KDM4B: variants seen among roughly 807,000 people sequenced by gnomAD.
KDM4B encodes lysine demethylase 4B, also known as lysine-specific demethylase 4B.
Under a neutral mutation model 125.2 loss-of-function variants are expected in KDM4B, and 32 were observed. That is an observed-to-expected ratio of 0.26 (90% CI 0.19 to 0.34). The LOEUF is 0.34. KDM4B is among the 10% of genes least tolerant of loss of function. The pLI is 1.00. For missense variants in KDM4B, 1,190 were observed against 1,577.7 expected, an observed-to-expected ratio of 0.75 and a Z score of 4.16; for synonymous variants, 721 against 677.9, an observed-to-expected ratio of 1.06 and a Z score of -0.99.
chr19:5,023,264 G>A (rs189210874), intron 2 of KDM4B, among the ~76,000 whole-genome samples: 1 of 152,218 alleles, frequency 6.6e-6, no homozygotes, highest in Non-Finnish European at 1.5e-5. Flanking sequence ...GAACGTTCTC[G>A]TGCCAAGGTT....
At chr19:5,100,151 G>C (rs558422460) in intron 9 of KDM4B, among the ~76,000 whole-genome samples, 1 of 152,346 alleles carries the variant, frequency 6.6e-6, no homozygotes, top group Admixed American at 6.5e-5. Context: ...TGTGTCCCAA[G>C]TGTCCTGAAG....
At chr19:5,046,118 A>G (rs760875526) in intron 5 of KDM4B, among the ~76,000 whole-genome samples, 3 of 152,166 alleles carry the variant, frequency 2.0e-5, no homozygotes, top group Non-Finnish European at 4.4e-5. Flanking sequence ...GCTGGCCTGC[A>G]CTGCCTGCAC....
chr19:5,022,215 A>G (rs1389994007), intron 2 of KDM4B, among the ~76,000 whole-genome samples: 1 of 152,086 alleles, frequency 6.6e-6, no homozygotes, highest in Non-Finnish European at 1.5e-5. Context: ...AGGTGCTGAT[A>G]GTCCTATGTT....
intron 15 of KDM4B, among the ~76,000 whole-genome samples, chr19:5,136,191 C>T (rs1377302830): frequency 6.6e-6 from 1 of 152,192 alleles, no homozygotes; most frequent in Non-Finnish European, 1.5e-5. Flanking sequence ...GCCGCTACGC[C>T]TGTGATTTGT....
chr19:5,080,432 C>T (rs1016985462), intron 8 of KDM4B, among the ~76,000 whole-genome samples: 2 of 152,206 alleles, frequency 1.3e-5, no homozygotes, highest in African/African-American at 4.8e-5. Context: ...TGAGCAGACG[C>T]GTTACGAAGG....
chr19:5,116,936 G>A (rs2039268281), intron 10 of KDM4B, among the ~76,000 whole-genome samples: 1 of 152,214 alleles, frequency 6.6e-6, no homozygotes, highest in African/African-American at 2.4e-5. Context: ...AGCATTGGGT[G>A]CAGAAACACG....
intron 14 of KDM4B, 133 bp downstream of exon 14, chr19:5,134,194 G>A (rs1298013845): frequency 2.4e-6 from 2 of 833,320 alleles, no homozygotes; most frequent in Non-Finnish European, 3.7e-6. Flanking sequence ...GAGTTGTGAG[G>A]GCTTGTTCCT....
At chr19:5,094,437 G>C (rs908762893) in intron 9 of KDM4B, among the ~76,000 whole-genome samples, 1 of 152,230 alleles carries the variant, frequency 6.6e-6, no homozygotes, top group African/African-American at 2.4e-5. Context: ...GTGCGGGGGG[G>C]AGGCACTGGG....
At chr19:4,986,519 G>A (rs1347505797) in intron 1 of KDM4B, among the ~76,000 whole-genome samples, 3 of 152,196 alleles carry the variant, frequency 2.0e-5, no homozygotes, top group South Asian at 2.1e-4. Context: ...GCAGGTCGGC[G>A]GGCACAGAGG....
At chr19:5,090,193 A>G (rs1257175114) in intron 9 of KDM4B, among the ~76,000 whole-genome samples, 1 of 152,070 alleles carries the variant, frequency 6.6e-6, no homozygotes. Flanking sequence ...TGGGTCTGCC[A>G]GGGAGAGGTG....
At chr19:5,054,255 A>G (rs1013803295) in intron 6 of KDM4B, among the ~76,000 whole-genome samples, 1 of 152,080 alleles carries the variant, frequency 6.6e-6, no homozygotes, top group East Asian at 1.9e-4. Flanking sequence ...AAATTTTTAA[A>G]TTTTTTGTAG....
chr19:5,074,558 CTG>C (rs373957996), intron 7 of KDM4B: 41 of 152,362 alleles, frequency 2.7e-4, no homozygotes, highest in African/African-American at 9.9e-4. Flanking sequence ...GCCACTTAAA[CTG>C]TGCATTAAAA....
At chr19:5,129,816 C>T (rs1480457989) in intron 11 of KDM4B, among the ~76,000 whole-genome samples, 6 of 152,222 alleles carry the variant, frequency 3.9e-5, no homozygotes, top group South Asian at 2.1e-4. Flanking sequence ...CCAGGGCTCA[C>T]GGTGTTCTGG....
intron 6 of KDM4B, among the ~76,000 whole-genome samples, chr19:5,061,597 T>A (rs2037599647): frequency 6.6e-6 from 1 of 152,180 alleles, no homozygotes; most frequent in Non-Finnish European, 1.5e-5. Flanking sequence ...GGTTGGCTCA[T>A]GCCTGTAATT....
At chr19:5,044,710 A>G (rs1339865980) in intron 5 of KDM4B, among the ~76,000 whole-genome samples, 3 of 151,820 alleles carry the variant, frequency 2.0e-5, no homozygotes, top group Non-Finnish European at 2.9e-5. Flanking sequence ...GAGTCATCCC[A>G]CCACTCTAAT....
intron 3 of KDM4B, 64 bp downstream of exon 3, chr19:5,033,095 C>G: frequency 6.4e-7 from 1 of 1,574,482 alleles, no homozygotes; most frequent in Non-Finnish European, 8.7e-7. Flanking sequence ...TGCGGACATC[C>G]TGGGTCCCAG....
chr19:5,025,095 T>C (rs2036237246), intron 2 of KDM4B, among the ~76,000 whole-genome samples: 1 of 152,232 alleles, frequency 6.6e-6, no homozygotes, highest in African/African-American at 2.4e-5. Context: ...AAGGGACCCT[T>C]TTTTTGTTGT....
rs750185664 is a variant in KDM4B, at chr19:5,151,346, G to C, written c.3126G>C (p.Thr1042=). The C allele has an allele frequency of 2.6e-6, 4 of 1,563,412 alleles. No homozygotes were observed. In the South Asian group the frequency reaches 4.7e-5, roughly 18 times the overall value. The change falls in exon 23 of 23, where the codon ACG becomes ACC. Residue 1042 remains threonine (T), a synonymous_variant. Coordinates refer to ENST00000159111, the MANE Select transcript of KDM4B (RefSeq NM_015015.3). ...CCGCTCTCCCGCAGTCACTGAGCAC[G>C]GGGGCACCGCAGGAGCCCGCCTTCT... ...KRVRSRLSLS[T]GAPQEPAFSG... is the part of the protein sequence containing the mutation.
At chr19:4,983,075 C>G (rs1439498394) in intron 1 of KDM4B, among the ~76,000 whole-genome samples, 1 of 151,848 alleles carries the variant, frequency 6.6e-6, no homozygotes, top group Non-Finnish European at 1.5e-5. Flanking sequence ...TTTATCATTT[C>G]AGCATGTAAT....
Sources: gnomAD v4.1 joint callset for allele counts (sites outside exome capture counted in the v4.1 genomes callset) on GRCh38, gnomAD v4.1.1 for gene constraint, MANE v1.5 for transcripts, NCBI Gene and HGNC (gene_info 2026-07-23, HGNC 2026-07-21) for gene names.